FAM227A: variants seen among roughly 807,000 people sequenced by gnomAD.
The protein encoded by FAM227A is family with sequence similarity 227 member A.
A neutral mutation model predicts 74.7 loss-of-function variants in FAM227A; 80 were observed. The observed-to-expected ratio is 1.07, with a 90% CI of 0.89 to 1.29. The LOEUF is 1.29. Ranked by LOEUF, FAM227A falls within the 50% of genes most tolerant of loss-of-function variation. FAM227A has a pLI of 0.00. For missense variants in FAM227A, 654 were observed against 683.4 expected (o/e 0.96, Z 0.48); for synonymous variants, 237 against 241.8 (o/e 0.98, Z 0.19).
chr22:38,626,817 T>G (rs1360331183), intron 8 of FAM227A, among the ~76,000 whole-genome samples: 2 of 126,900 alleles, frequency 1.6e-5, no homozygotes, highest in South Asian at 2.6e-4. Flanking sequence ...GAGGTTGCAG[T>G]GAGCTGCGAC....
intron 9 of FAM227A, among the ~76,000 whole-genome samples, chr22:38,624,261 C>A (rs5757185): frequency 0.3 from 44,769 of 151,742 alleles, 6,669 homozygotes; most frequent in East Asian, 0.36. Context: ...AAAAATTAGC[C>A]GGGCATGGTG....
At chr22:38,596,183 T>A (rs1178422008) in intron 15 of FAM227A, among the ~76,000 whole-genome samples, 1 of 152,036 alleles carries the variant, frequency 6.6e-6, no homozygotes, top group African/African-American at 2.4e-5. Flanking sequence ...TAGCCGGGCA[T>A]GGTGGTGCAC....
At chr22:38,641,382 T>C (rs1429721685) in intron 3 of FAM227A, among the ~76,000 whole-genome samples, 4 of 151,952 alleles carry the variant, frequency 2.6e-5, no homozygotes, top group South Asian at 4.2e-4. Flanking sequence ...TATGCATTTA[T>C]AGTGGCTCCT....
At chr22:38,599,347 A>G (rs1327400322) in intron 14 of FAM227A, among the ~76,000 whole-genome samples, 1 of 152,144 alleles carries the variant, frequency 6.6e-6, no homozygotes, top group Non-Finnish European at 1.5e-5. Context: ...TGATGGGTCT[A>G]AGGGAGGAAT....
At chr22:38,631,226 T>C (rs2091909947) in intron 6 of FAM227A, among the ~76,000 whole-genome samples, 1 of 152,136 alleles carries the variant, frequency 6.6e-6, no homozygotes, top group African/African-American at 2.4e-5. Flanking sequence ...AATGATATCG[T>C]GTCCTTTGCA....
chr22:38,650,868 T>C (rs2092312455), intron 1 of FAM227A, among the ~76,000 whole-genome samples: 2 of 152,188 alleles, frequency 1.3e-5, no homozygotes, highest in African/African-American at 2.4e-5. Context: ...CTGTGGGCCC[T>C]CTATGTCCAG....
chr22:38,654,803 C>T (rs1396049415), intron 1 of FAM227A, among the ~76,000 whole-genome samples: 2 of 145,792 alleles, frequency 1.4e-5, no homozygotes, highest in African/African-American at 2.5e-5. Context: ...AAAAAATTAG[C>T]TGGGCTTGGT....
At chr22:38,613,114 TATTATATATAATTATATATATA>T in intron 11 of FAM227A, among the ~76,000 whole-genome samples, 1 of 92,482 alleles carries the variant, frequency 1.1e-5, no homozygotes, top group African/African-American at 5.0e-5. Context: ...ATTATATATA[TATTATATATAATTATATATATA>T]ATATATATAT....
At chr22:38,614,087 A>G (rs2091525599) in intron 11 of FAM227A, among the ~76,000 whole-genome samples, 1 of 152,172 alleles carries the variant, frequency 6.6e-6, no homozygotes, top group Non-Finnish European at 1.5e-5. Flanking sequence ...GTTAAGAGCT[A>G]GGATTCTAGT....
chr22:38,647,589 G>A (rs992483408), intron 2 of FAM227A, among the ~76,000 whole-genome samples: 4 of 152,048 alleles, frequency 2.6e-5, no homozygotes, highest in African/African-American at 9.7e-5. Context: ...GGCGTCAAAG[G>A]GTATCTCAAC....
Position 38,580,549 on chromosome 22 carries a change from C to G in FAM227A, c.*5576G>C, listed in dbSNP as rs1602800835. Reference sequence around the variant, plus strand: ...ATGTAAGCAGCCATGGATAATCAACCTAGATCCATTAATTCATTAGGGGTT... The same window carrying G: ...ATGTAAGCAGCCATGGATAATCAACGTAGATCCATTAATTCATTAGGGGTT... On this transcript the variant is annotated 3_prime_UTR_variant, in exon 17 of 17. Coordinates refer to ENST00000535113, the MANE Select transcript of FAM227A (RefSeq NM_001013647.2). 1 of 152,274 alleles carries G rather than the reference C, an allele frequency of 6.6e-6. No homozygotes were observed. Among genetic ancestry groups the G allele is most frequent in the East Asian group, 1.9e-4 (1 of 5,184 alleles). 9.4% of individuals were successfully genotyped at this position (152,274 alleles called of 1,614,324 possible). A position where few individuals can be genotyped will look rare whatever the true frequency, so the allele number is the denominator to read the frequency against.
intron 1 of FAM227A, among the ~76,000 whole-genome samples, chr22:38,651,834 A>G (rs1417693642): frequency 6.6e-6 from 1 of 152,164 alleles, no homozygotes; most frequent in Non-Finnish European, 1.5e-5. Context: ...AAGAGTAAGA[A>G]ACCTTCTGCC....
At chr22:38,591,355 T>A (rs1323424870) in intron 16 of FAM227A, 80 bp downstream of exon 16, 1 of 1,492,186 alleles carries the variant, frequency 6.7e-7, no homozygotes, top group Admixed American at 2.6e-5. Flanking sequence ...TAATTATTAT[T>A]CTTACATGTT....
Position 38,650,046 on chromosome 22 carries a change from C to T in FAM227A, c.123G>A (p.Glu41=). ...GGATACAGGGTGGATTGTTCTCTAA[C>T]TCCTTCCTCACAGTCTTCACCATTG... is the stretch of plus-strand genomic sequence containing the variant. ...RNTMVKTVRK[E]LENNPPSCLI... Residue 41 remains glutamate, a synonymous_variant, in exon 2 of 17, where the codon GAG becomes GAA. Transcript: ENST00000535113. The T allele has an allele frequency of 6.4e-7, 1 of 1,552,250 alleles. No individual in the cohort carries two copies. The highest frequency in any genetic ancestry group is 8.7e-7 in the Non-Finnish European group (1 of 1,147,134).
chr22:38,603,272 G>A (rs1011752785), intron 13 of FAM227A, among the ~76,000 whole-genome samples: 1 of 152,092 alleles, frequency 6.6e-6, no homozygotes, highest in Non-Finnish European at 1.5e-5. Flanking sequence ...CTGATCATTT[G>A]AGGTTAGGAG....
In FAM227A at chr22:38,581,788, G is replaced by A. The variant is rs2090710914; in HGVS notation, c.*4337C>T. 6.8e-6 allele frequency: 1 copy of A among 146,032 alleles called. No individual in the cohort carries two copies. The highest frequency in any genetic ancestry group is 2.6e-5 in the African/African-American group (1 of 38,690). 9.0% of individuals were successfully genotyped at this position (146,032 alleles called of 1,614,324 possible). A position where few individuals can be genotyped will look rare whatever the true frequency, so the allele number is the denominator to read the frequency against. On this transcript the variant is annotated 3_prime_UTR_variant, in exon 17 of 17. Coordinates refer to ENST00000535113, the MANE Select transcript of FAM227A (RefSeq NM_001013647.2). ...AGACACAGTCTTGCTCTATCATCCAGGCTGAGTCTAGTAGCACAATCACAG... is the reference window on the plus strand; with the variant it reads ...AGACACAGTCTTGCTCTATCATCCAAGCTGAGTCTAGTAGCACAATCACAG...
At chr22:38,645,108 T>C (rs866604687) in intron 3 of FAM227A, among the ~76,000 whole-genome samples, 6 of 145,252 alleles carry the variant, frequency 4.1e-5, no homozygotes, top group Admixed American at 6.9e-5. Flanking sequence ...ATAAAGTTTA[T>C]TGGCCGGGCG....
chr22:38,649,553 G>T (rs1038811484), intron 2 of FAM227A, among the ~76,000 whole-genome samples: 1 of 150,202 alleles, frequency 6.7e-6, no homozygotes, highest in African/African-American at 2.5e-5. Context: ...GCAACAGAGT[G>T]AGACTCTGTC....
At chr22:38,604,891 G>A (rs1164521279) in intron 13 of FAM227A, among the ~76,000 whole-genome samples, 1 of 152,144 alleles carries the variant, frequency 6.6e-6, no homozygotes, top group African/African-American at 2.4e-5. Flanking sequence ...GACCTCAAGT[G>A]ATCCACCTGC....
Sources: allele counts gnomAD v4.1 joint callset (sites outside exome capture counted in the v4.1 genomes callset), GRCh38; gene constraint gnomAD v4.1.1; transcripts MANE v1.5; gene names NCBI Gene and HGNC (gene_info 2026-07-23, HGNC 2026-07-21).